The following CDC42EP3 variants were observed in gnomAD, a reference collection of about 807,000 sequenced individuals.
The protein encoded by CDC42EP3 is CDC42 effector protein 3.
CDC42EP3 carries 4 observed loss-of-function variants against 15.5 expected under a neutral mutation model. That is an observed-to-expected ratio of 0.26 (90% confidence interval 0.13 to 0.59). CDC42EP3 has a LOEUF of 0.59. Ranked by LOEUF, CDC42EP3 falls within the 20% of genes least tolerant of loss-of-function variation. The pLI, the probability that CDC42EP3 is intolerant of heterozygous loss-of-function variation, is 0.89. For missense variants in CDC42EP3, 309 were observed against 311.2 expected, an observed-to-expected ratio of 0.99 and a Z score of 0.05; for synonymous variants, 145 against 130.3, an observed-to-expected ratio of 1.11 and a Z score of -0.77.
intron 1 of CDC42EP3, among the ~76,000 whole-genome samples, chr2:37,649,076 TAA>T (rs112109458): frequency 0.029 from 3,904 of 135,846 alleles, 66 homozygotes; most frequent in Middle Eastern, 0.051. Flanking sequence ...TCCAATTATT[TAA>T]AAAAAAAAAA....
At chr2:37,651,039 TC>T (rs1172788496) in intron 1 of CDC42EP3, among the ~76,000 whole-genome samples, 6 of 152,158 alleles carry the variant, frequency 3.9e-5, no homozygotes, top group Admixed American at 2.0e-4. Context: ...GTTAAGCGTA[TC>T]CTTCCAAATA....
At chr2:37,654,968 G>C (rs1363663905) in intron 1 of CDC42EP3, among the ~76,000 whole-genome samples, 1 of 152,208 alleles carries the variant, frequency 6.6e-6, no homozygotes, top group Non-Finnish European at 1.5e-5. Context: ...GAATTTCTAA[G>C]GCGGAAATCA....
intron 1 of CDC42EP3, among the ~76,000 whole-genome samples, chr2:37,651,982 T>C (rs1558338467): frequency 1.3e-5 from 2 of 151,644 alleles, no homozygotes; most frequent in Non-Finnish European, 2.9e-5. Context: ...AAGACCATCC[T>C]GGCTAACACG....
chr2:37,656,979 G>GCCCCCCC (rs796652094), intron 1 of CDC42EP3, among the ~76,000 whole-genome samples: 15 of 79,804 alleles, frequency 1.9e-4, no homozygotes, highest in African/African-American at 3.6e-4. Flanking sequence ...AAGTAACAAA[G>GCCCCCCC]CCCCCCCCCC....
intron 1 of CDC42EP3, among the ~76,000 whole-genome samples, chr2:37,656,985 C>G (rs1572516377): frequency 1.1e-5 from 1 of 87,430 alleles, no homozygotes; most frequent in African/African-American, 5.7e-5. Context: ...CAAAGCCCCC[C>G]CCCCACCCCC....
In CDC42EP3 at chr2:37,646,416, A is replaced by T; in HGVS notation, c.172T>A (p.Phe58Ile). 1 of 1,614,120 alleles carries T rather than the reference A, an allele frequency of 6.2e-7. No individual in the cohort carries two copies. The highest frequency in any genetic ancestry group is 1.1e-5 in the South Asian group (1 of 91,068). The change falls in exon 2 of 2, where the codon TTT becomes ATT. Residue 58 changes from phenylalanine (F) to isoleucine (I), a missense_variant. Transcript: ENST00000295324. ...GQHDVFGDISFLQGNYELLPG... is the reference protein window; with the variant it reads ...GQHDVFGDISILQGNYELLPG... ...AAAAGCTCGTAGTTCCCTTGAAGAA[A>T]GGAAATATCTCCAAAGACATCGTGC...
chr2:37,653,361 G>A (rs1006971854), intron 1 of CDC42EP3, among the ~76,000 whole-genome samples: 3 of 152,190 alleles, frequency 2.0e-5, no homozygotes, highest in East Asian at 1.9e-4. Context: ...GAAGAGAGCC[G>A]GGTTGCACTA....
chr2:37,642,354 G>T lies in CDC42EP3; in HGVS notation c.*3469C>A, dbSNP rs1354269357. The T allele has an allele frequency of 6.6e-6, 1 of 152,194 alleles. No homozygotes were observed. The highest frequency in any genetic ancestry group is 2.4e-5 in the African/African-American group (1 of 41,434). The allele number at this position is 152,194 out of a possible 1,614,324, so 9.4% of individuals were successfully genotyped here. ...AAACCAACCAGAAGGCTTCCCCGCTGGGTTGATGGTGGCTTATCATTTGGC... is the reference window on the plus strand; with the variant it reads ...AAACCAACCAGAAGGCTTCCCCGCTTGGTTGATGGTGGCTTATCATTTGGC... On this transcript the variant is annotated 3_prime_UTR_variant, in exon 2 of 2. Coordinates refer to ENST00000295324, the MANE Select transcript of CDC42EP3 (RefSeq NM_006449.5).
At chr2:37,670,100 G>A (rs1666359553) in intron 1 of CDC42EP3, among the ~76,000 whole-genome samples, 1 of 152,148 alleles carries the variant, frequency 6.6e-6, no homozygotes, top group Non-Finnish European at 1.5e-5. Flanking sequence ...GTGTAAATTA[G>A]AACATTACAG....
intron 1 of CDC42EP3, among the ~76,000 whole-genome samples, chr2:37,650,103 T>G (rs1395515735): frequency 1.3e-5 from 2 of 152,194 alleles, no homozygotes; most frequent in African/African-American, 4.8e-5. Context: ...TAAGTTGACG[T>G]TTGTGCTGCT....
intron 1 of CDC42EP3, among the ~76,000 whole-genome samples, chr2:37,665,413 C>T (rs1040769477): frequency 5.9e-5 from 9 of 152,092 alleles, no homozygotes; most frequent in Non-Finnish European, 1.0e-4. Flanking sequence ...CCTCATCTCC[C>T]GCTGTGTTAA....
chr2:37,643,149 G>C lies in CDC42EP3; in HGVS notation c.*2674C>G, dbSNP rs1328614580. 1 of 152,144 alleles carries C rather than the reference G, an allele frequency of 6.6e-6. No individual in the cohort carries two copies. Among genetic ancestry groups the C allele is most frequent in the Non-Finnish European group, 1.5e-5 (1 of 68,016 alleles). The allele number at this position is 152,144 out of a possible 1,614,324, so 9.4% of individuals were successfully genotyped here. On this transcript the variant is annotated 3_prime_UTR_variant, in exon 2 of 2. Coordinates refer to ENST00000295324, the MANE Select transcript of CDC42EP3 (RefSeq NM_006449.5). ...GAGTTTGCAAATAAAGTACATCTTG[G>C]GTTTCCTTATCTTTAAACAAGTAAA...
intron 1 of CDC42EP3, among the ~76,000 whole-genome samples, chr2:37,668,329 A>G (rs1049354813): frequency 6.6e-6 from 1 of 152,224 alleles, no homozygotes; most frequent in African/African-American, 2.4e-5. Flanking sequence ...AAACAAAAGC[A>G]ACATTGAAAA....
At chr2:37,659,664 G>A (rs1378671760) in intron 1 of CDC42EP3, among the ~76,000 whole-genome samples, 1 of 152,150 alleles carries the variant, frequency 6.6e-6, no homozygotes, top group Non-Finnish European at 1.5e-5. Flanking sequence ...AAAGAATGAG[G>A]CCCTGGAGAA....
In CDC42EP3 at chr2:37,642,937, T is replaced by G. The variant is rs991621820; in HGVS notation, c.*2886A>C. 2 of 152,202 alleles carry G rather than the reference T, an allele frequency of 1.3e-5. No individual in the cohort carries two copies. Among genetic ancestry groups the G allele is most frequent in the Non-Finnish European group, 2.9e-5 (2 of 68,042 alleles). The allele number at this position is 152,202 out of a possible 1,614,324, so 9.4% of individuals were successfully genotyped here. ...ATTTGTGAAGAGCTAAGTATCCTGA[T>G]ATTTTGATCTTTTCAAGCAGATAAT... On this transcript the variant is annotated 3_prime_UTR_variant, in exon 2 of 2. Coordinates refer to ENST00000295324, the MANE Select transcript of CDC42EP3 (RefSeq NM_006449.5).
At chr2:37,671,667 GACTGA>G (rs1666426358), upstream of CDC42EP3, 1 of 151,840 alleles carries the variant, frequency 6.6e-6, no homozygotes, top group Non-Finnish European at 1.5e-5. Context: ...CGGACGCGAG[GACTGA>G]ACCTGCGGAG....
intron 1 of CDC42EP3, among the ~76,000 whole-genome samples, chr2:37,671,162 T>G (rs577407096): frequency 1.3e-5 from 2 of 152,224 alleles, no homozygotes; most frequent in Non-Finnish European, 2.9e-5. Flanking sequence ...GGGTGCAATG[T>G]GGCCGCGCAG....
Position 37,658,717 on chromosome 2 carries a change from T to G in CDC42EP3, c.-235-11895A>C, listed in dbSNP as rs6709621. 2.6e-5 allele frequency among the ~76,000 whole-genome samples: 4 copies of G among 152,000 alleles called. No individual in the cohort carries two copies. The South Asian group carries it at 8.3e-4, about 31-fold the overall frequency. On this transcript the variant is annotated intron_variant, in intron 1 of 1. Transcript: ENST00000295324. ...CCGCCTCCATCTCTACATCAAGTCC[T>G]ATAGTCCTATCAGTCTGTCTGGACT...
At chr2:37,669,342 G>A (rs1666337178) in intron 1 of CDC42EP3, among the ~76,000 whole-genome samples, 1 of 151,886 alleles carries the variant, frequency 6.6e-6, no homozygotes, top group Non-Finnish European at 1.5e-5. Context: ...CAGCTTTTGT[G>A]AGCATGTTGG....
Sources: gnomAD v4.1 joint callset for allele counts (sites outside exome capture counted in the v4.1 genomes callset) on GRCh38, gnomAD v4.1.1 for gene constraint, MANE v1.5 for transcripts, NCBI Gene and HGNC (gene_info 2026-07-23, HGNC 2026-07-21) for gene names.